The following ZDHHC14 variants were observed in gnomAD, a reference collection of about 807,000 sequenced individuals.
The protein encoded by ZDHHC14 is palmitoyltransferase ZDHHC14.
ZDHHC14 carries 16 observed loss-of-function variants against 47.7 expected under a neutral mutation model. The observed-to-expected ratio is 0.34, with a 90% CI of 0.23 to 0.51. ZDHHC14 has a LOEUF of 0.51. Among genes scored for constraint, ZDHHC14 ranks in the 20% least tolerant of loss-of-function variants. The probability of loss-of-function intolerance (pLI) is 0.97; values close to 1 mark genes in which losing one functional copy is unlikely to be tolerated. For missense variants in ZDHHC14, 515 were observed against 662.5 expected, an observed-to-expected ratio of 0.78 and a Z score of 2.44; for synonymous variants, 293 against 278.9, an observed-to-expected ratio of 1.05 and a Z score of -0.50.
chr6:157,387,296 A>C (rs1018899648), intron 1 of ZDHHC14, among the ~76,000 whole-genome samples: 1 of 152,034 alleles, frequency 6.6e-6, no homozygotes, highest in African/African-American at 2.4e-5. Context: ...TTGAAGATGG[A>C]ACTTGGGGCT....
intron 8 of ZDHHC14, among the ~76,000 whole-genome samples, chr6:157,656,811 G>A (rs551385311): frequency 1.3e-5 from 2 of 151,978 alleles, no homozygotes; most frequent in South Asian, 2.1e-4. Context: ...AGCTGCATGC[G>A]ACATCACCAT....
At chr6:157,600,686 G>A (rs1472146686) in intron 3 of ZDHHC14, among the ~76,000 whole-genome samples, 7 of 152,206 alleles carry the variant, frequency 4.6e-5, no homozygotes, top group Admixed American at 4.6e-4. Context: ...GATTACAGGC[G>A]TGAGCCACCG....
intron 1 of ZDHHC14, among the ~76,000 whole-genome samples, chr6:157,405,712 A>G (rs540567117): frequency 6.6e-6 from 1 of 152,308 alleles, no homozygotes; most frequent in East Asian, 1.9e-4. Flanking sequence ...TTGAGCAATG[A>G]TTTACTCAAT....
chr6:157,458,849 A>ATTTGTTTTTTTTTTTTTT (rs1778991732), intron 1 of ZDHHC14, among the ~76,000 whole-genome samples: 1 of 81,226 alleles, frequency 1.2e-5, no homozygotes, highest in Non-Finnish European at 2.3e-5. Context: ...ATGTGGGTGG[A>ATTTGTTTTTTTTTTTTTT]TTTTTTTTTT....
chr6:157,663,196 C>T (rs1229840610), intron 8 of ZDHHC14, among the ~76,000 whole-genome samples: 1 of 152,352 alleles, frequency 6.6e-6, no homozygotes, highest in East Asian at 1.9e-4. Context: ...AGGCTTCTAC[C>T]CCCCTGGGAG....
chr6:157,402,871 T>A (rs1777672441), intron 1 of ZDHHC14, among the ~76,000 whole-genome samples: 1 of 151,056 alleles, frequency 6.6e-6, no homozygotes, highest in Non-Finnish European at 1.5e-5. Flanking sequence ...AGATTACAGG[T>A]GTGCACCAGC....
chr6:157,600,941 CAA>C (rs1181481267), intron 3 of ZDHHC14, among the ~76,000 whole-genome samples: 6 of 152,180 alleles, frequency 3.9e-5, no homozygotes, highest in Middle Eastern at 3.2e-3. Context: ...CAAGAGCCCT[CAA>C]GAGCAGAGCT....
chr6:157,659,544 A>G (rs1749900150), intron 8 of ZDHHC14, among the ~76,000 whole-genome samples: 1 of 152,224 alleles, frequency 6.6e-6, no homozygotes, highest in Admixed American at 6.5e-5. Context: ...GATTTGCTTC[A>G]GCTGCTAATA....
intron 1 of ZDHHC14, among the ~76,000 whole-genome samples, chr6:157,489,993 T>C (rs1779874368): frequency 6.6e-6 from 1 of 151,786 alleles, no homozygotes. Flanking sequence ...CATGGGGAAA[T>C]GAGGGATGTG....
chr6:157,389,571 T>C (rs1246050278), intron 1 of ZDHHC14, among the ~76,000 whole-genome samples: 69 of 152,232 alleles, frequency 4.5e-4, no homozygotes, highest in Admixed American at 4.5e-3. Context: ...ACCTTTTGGC[T>C]TCTTTTAGAT....
At chr6:157,628,698 A>G (rs1049661423) in intron 4 of ZDHHC14, 9 of 572,996 alleles carry the variant, frequency 1.6e-5, no homozygotes, top group African/African-American at 1.4e-4. Flanking sequence ...TCCCCACCCC[A>G]TCTTTCACAG....
intron 1 of ZDHHC14, among the ~76,000 whole-genome samples, chr6:157,513,989 C>G (rs1441219215): frequency 1.3e-5 from 2 of 152,046 alleles, no homozygotes; most frequent in African/African-American, 4.8e-5. Context: ...CAGGCTCTTC[C>G]CACTGTGACA....
chr6:157,415,243 A>T (rs1243888386), intron 1 of ZDHHC14, among the ~76,000 whole-genome samples: 2 of 152,184 alleles, frequency 1.3e-5, no homozygotes, highest in Non-Finnish European at 2.9e-5. Flanking sequence ...AAGCTATTAA[A>T]CAATATTGTA....
chr6:157,481,978 CTT>C (rs1383749555), intron 1 of ZDHHC14, among the ~76,000 whole-genome samples: 2 of 152,176 alleles, frequency 1.3e-5, no homozygotes. Flanking sequence ...GCAGAGAAGA[CTT>C]GAGCTCAGAG....
chr6:157,585,307 G>T (rs771903722), intron 2 of ZDHHC14, among the ~76,000 whole-genome samples: 2 of 151,554 alleles, frequency 1.3e-5, no homozygotes, highest in African/African-American at 2.4e-5. Flanking sequence ...ACTAGCTATT[G>T]CAAATGCCTA....
At chr6:157,612,412 C>T (rs1318730655) in intron 3 of ZDHHC14, among the ~76,000 whole-genome samples, 2 of 152,198 alleles carry the variant, frequency 1.3e-5, no homozygotes, top group Admixed American at 6.5e-5. Context: ...CCTCTCTCGG[C>T]TTGCACCGTA....
chr6:157,505,789 A>T (rs1583720590), intron 1 of ZDHHC14, among the ~76,000 whole-genome samples: 1 of 152,230 alleles, frequency 6.6e-6, no homozygotes, highest in South Asian at 2.1e-4. Flanking sequence ...CTTTGTGTAG[A>T]AGTATAAGAG....
chr6:157,658,852 A>C (rs1778220783), intron 8 of ZDHHC14, among the ~76,000 whole-genome samples: 2 of 152,012 alleles, frequency 1.3e-5, no homozygotes, highest in African/African-American at 4.8e-5. Context: ...AGTGCTTCTT[A>C]CTCTTCTGTC....
At chr6:157,581,256 TTTTA>T (rs1783509069) in intron 2 of ZDHHC14, among the ~76,000 whole-genome samples, 1 of 152,094 alleles carries the variant, frequency 6.6e-6, no homozygotes, top group Non-Finnish European at 1.5e-5. Flanking sequence ...AGTATGGATT[TTTTA>T]TTTTTCTTGT....
Sources: gnomAD v4.1 joint callset for allele counts (sites outside exome capture counted in the v4.1 genomes callset) on GRCh38, gnomAD v4.1.1 for gene constraint, MANE v1.5 for transcripts, NCBI Gene and HGNC (gene_info 2026-07-23, HGNC 2026-07-21) for gene names.